MDN1: variants seen among roughly 807,000 people sequenced by gnomAD.
MDN1 encodes midasin.
MDN1 carries 266 observed loss-of-function variants against 669.2 expected under a neutral mutation model. That is an observed-to-expected ratio of 0.40 (90% CI 0.36 to 0.44). The LOEUF (loss-of-function observed/expected upper bound fraction) is 0.44. Among genes scored for constraint, MDN1 ranks in the 20% least tolerant of loss-of-function variants. MDN1 has a pLI of 1.00. For missense variants in MDN1, 5,940 were observed against 6,754.0 expected (o/e 0.88, Z 4.22); for synonymous variants, 2,385 against 2,457.1 (o/e 0.97, Z 0.87).
intron 22 of MDN1, among the ~76,000 whole-genome samples, chr6:89,753,138 C>T (rs1261592559): frequency 1.3e-5 from 2 of 151,598 alleles, no homozygotes; most frequent in Non-Finnish European, 2.9e-5. Flanking sequence ...AAAAACAAAA[C>T]AAAACAAAAC....
chr6:89,687,311 C>G (rs1812081727), intron 68 of MDN1, 33 bp downstream of exon 68: 3 of 1,582,758 alleles, frequency 1.9e-6, no homozygotes, highest in Non-Finnish European at 2.6e-6. Flanking sequence ...CCCTTACAAC[C>G]TAAGTTTAGG....
chr6:89,791,875 ATTTTTTT>A (rs66492732), intron 5 of MDN1, among the ~76,000 whole-genome samples: 48 of 114,030 alleles, frequency 4.2e-4, no homozygotes, highest in Admixed American at 1.7e-3. Flanking sequence ...AAAACTTTTA[ATTTTTTT>A]TTTTTTTTTT....
In MDN1 at chr6:89,658,252, A is replaced by G. The variant is rs748924973; in HGVS notation, c.15140T>C (p.Met5047Thr). 22 of 1,614,082 alleles carry G rather than the reference A, an allele frequency of 1.4e-5. No individual in the cohort carries two copies. The highest frequency in any genetic ancestry group is 1.6e-5 in the Non-Finnish European group (19 of 1,180,040). Residue 5047 changes from methionine (M) to threonine (T), a missense_variant, in exon 90 of 102, where the codon ATG (methionine) becomes ACG (threonine). Around this residue, in one of 5 missense-constraint regions of MDN1, gnomAD observed 2,280 missense variants for 2,576.3 expected, o/e 0.88. Transcript: ENST00000369393. ...CTCAGGTGCGGCCCCAGCCAGCTCCATGGCCTGTGTGTTCTGCATGTTCTC... is the reference window on the plus strand; with the variant it reads ...CTCAGGTGCGGCCCCAGCCAGCTCCGTGGCCTGTGTGTTCTGCATGTTCTC... ...GVENMQNTQA[M>T]ELAGAAPEKE...
chr6:89,663,793 T>A (rs1481792061), intron 85 of MDN1, among the ~76,000 whole-genome samples: 2 of 150,356 alleles, frequency 1.3e-5, no homozygotes, highest in African/African-American at 4.9e-5. Context: ...AAAAAAAGAA[T>A]CAGCTGGATG....
chr6:89,819,388 G>T, intron 1 of MDN1, 118 bp downstream of exon 1: 1 of 954,626 alleles, frequency 1.0e-6, no homozygotes, highest in Non-Finnish European at 1.6e-6. Flanking sequence ...GGGCCAGCTT[G>T]ACCTGAGGCT....
intron 27 of MDN1, 23 bp from the exon 28 acceptor site, chr6:89,745,649 G>T: frequency 6.2e-7 from 1 of 1,609,078 alleles, no homozygotes; most frequent in South Asian, 1.1e-5. Context: ...GGAGGAAAAG[G>T]AGGAGAGGAA....
In MDN1 at chr6:89,671,050, G is replaced by A. The variant is rs139168257; in HGVS notation, c.13825C>T (p.Arg4609Cys). ...FFSQSCSLLV[R>C]LVPVLSSYSD... ...TAGCTGGAGAGGACCGGCACCAGGC[G>A]CACCAGCAAGGAACAGGATTGGCTG... The change falls in exon 83 of 102, where the codon CGC (arginine) becomes TGC (cysteine). Residue 4609 changes from arginine (R) to cysteine (C), a missense_variant. Coordinates refer to ENST00000369393, the MANE Select transcript of MDN1 (RefSeq NM_014611.3). The A allele has an allele frequency of 1.1e-4, 174 of 1,613,850 alleles. No homozygotes were observed. The highest frequency in any genetic ancestry group is 1.8e-4 in the East Asian group (8 of 44,880).
At chr6:89,784,073 G>A (rs993245598) in intron 9 of MDN1, among the ~76,000 whole-genome samples, 1 of 152,068 alleles carries the variant, frequency 6.6e-6, no homozygotes, top group Non-Finnish European at 1.5e-5. Flanking sequence ...CAACACTTTA[G>A]GAGGCCAAGG....
chr6:89,743,529 T>C (rs2273245), intron 30 of MDN1, 47 bp downstream of exon 30: 788,196 of 1,588,822 alleles, frequency 0.5, 202,579 homozygotes, highest in East Asian at 0.91. Context: ...CATGCACAGC[T>C]AACTGCAGTT....
intron 15 of MDN1, among the ~76,000 whole-genome samples, chr6:89,770,921 C>A (rs950878085): frequency 6.6e-6 from 1 of 151,778 alleles, no homozygotes; most frequent in African/African-American, 2.4e-5. Context: ...CTCAAGTGTT[C>A]ATTAAAATGA....
At chr6:89,663,039 G>C (rs1809916927) in intron 85 of MDN1, 72 bp from the exon 86 acceptor site, 2 of 1,556,324 alleles carry the variant, frequency 1.3e-6, no homozygotes, top group Non-Finnish European at 1.8e-6. Context: ...GAGAGGTGTG[G>C]ACCCGCTTCC....
chr6:89,751,098 A>T (rs910487029), intron 23 of MDN1, among the ~76,000 whole-genome samples: 8 of 152,194 alleles, frequency 5.3e-5, no homozygotes, highest in Non-Finnish European at 8.8e-5. Context: ...TAAGGAAAGC[A>T]ATTCCAACTA....
intron 83 of MDN1, among the ~76,000 whole-genome samples, chr6:89,670,170 A>ATATATATTTTTTTTTTTT (rs1444537561): frequency 1.3e-4 from 3 of 23,408 alleles, no homozygotes; most frequent in East Asian, 6.7e-3. Context: ...ATATATATAT[A>ATATATATTTTTTTTTTTT]TTTTTTTTTT....
At chr6:89,716,607 C>A in intron 44 of MDN1, 43 bp downstream of exon 44, 1 of 1,563,180 alleles carries the variant, frequency 6.4e-7, no homozygotes, top group Non-Finnish European at 8.6e-7. Context: ...CAAGCATATC[C>A]CAAATTTCAA....
At chr6:89,751,674 G>T in intron 22 of MDN1, 92 bp from the exon 23 acceptor site, 1 of 1,366,318 alleles carries the variant, frequency 7.3e-7, no homozygotes, top group Non-Finnish European at 1.0e-6. Flanking sequence ...TGTTGAACAA[G>T]CTGTCTTGTT....
At chr6:89,765,374 C>T (rs551651501) in intron 15 of MDN1, among the ~76,000 whole-genome samples, 93 of 152,228 alleles carry the variant, frequency 6.1e-4, no homozygotes, top group Non-Finnish European at 1.1e-3. Context: ...AAGAGACCAA[C>T]GCAGTGGACT....
rs1816075176 is a variant in MDN1 at position 89,737,790 on chromosome 6, C to T, written c.4723+536G>A. On this transcript the variant is annotated intron_variant, in intron 33 of 101. Transcript: ENST00000369393. Reference sequence around the variant, plus strand: ...CCAGGCTGGAGTGCAATGGCGCGATCTTGGATCACTGCAACCTCCACTTCC... The same window carrying T: ...CCAGGCTGGAGTGCAATGGCGCGATTTTGGATCACTGCAACCTCCACTTCC... Among the ~76,000 whole-genome samples, 4 of 146,760 alleles carry T rather than the reference C, an allele frequency of 2.7e-5. No individual in the cohort carries two copies. The South Asian group carries it at 8.5e-4, about 31-fold the overall frequency.
intron 59 of MDN1, among the ~76,000 whole-genome samples, chr6:89,697,729 C>G (rs1185639928): frequency 6.6e-6 from 1 of 151,924 alleles, no homozygotes; most frequent in African/African-American, 2.4e-5. Context: ...TTCAGGCGCA[C>G]ACCACTACTG....
intron 9 of MDN1, among the ~76,000 whole-genome samples, chr6:89,784,179 T>C (rs1391740087): frequency 6.6e-6 from 1 of 151,450 alleles, no homozygotes; most frequent in Non-Finnish European, 1.5e-5. Context: ...TAGCCAAAAG[T>C]GGTGGTGGGC....
Sources: allele counts gnomAD v4.1 joint callset (sites outside exome capture counted in the v4.1 genomes callset), GRCh38; gene constraint gnomAD v4.1.1; regional missense constraint gnomAD v4.1.1; transcripts MANE v1.5; gene names NCBI Gene and HGNC (gene_info 2026-07-23, HGNC 2026-07-21).